ZNF609: variants seen among roughly 807,000 people sequenced by gnomAD.
ZNF609 encodes zinc finger protein 609.
ZNF609 carries 11 observed loss-of-function variants against 109.5 expected under a neutral mutation model. The ratio of observed to expected loss-of-function variants is 0.10; its 90% CI spans 0.06 to 0.17. The LOEUF is 0.17. Among genes scored for constraint, ZNF609 ranks in the 10% least tolerant of loss-of-function variants. The pLI is 1.00. For synonymous variants in ZNF609, 646 were observed against 662.0 expected, an observed-to-expected ratio of 0.98 and a Z score of 0.37; for missense variants, 1,559 against 1,772.4, an observed-to-expected ratio of 0.88 and a Z score of 2.16.
chr15:64,610,992 T>C (rs533430052), intron 2 of ZNF609, among the ~76,000 whole-genome samples: 5 of 152,144 alleles, frequency 3.3e-5, no homozygotes, highest in African/African-American at 1.2e-4. Flanking sequence ...ATTTGTGGAG[T>C]TTTTTAATTT....
rs1343136188 is a variant in ZNF609, at chr15:64,675,657, A to G, written c.2803A>G (p.Ile935Val). The change falls in exon 5 of 10, where the codon ATA becomes GTA. Residue 935 changes from isoleucine (I) to valine (V), a missense_variant. By Grantham distance (29) the Ile-to-Val change is conservative. Around this residue, in one of 4 missense-constraint regions of ZNF609, gnomAD observed 1,204 missense variants for 1,314.1 expected, o/e 0.92. Coordinates refer to ENST00000326648, the MANE Select transcript of ZNF609 (RefSeq NM_015042.2). Reference protein sequence around the residue: ...KTKRDEEPESIEGKVKNDICE... With the variant: ...KTKRDEEPESVEGKVKNDICE... ...AAAAAGGGATGAGGAACCTGAGAGCATAGAAGGGAAAGTGAAGAACGATAT... is the reference window on the plus strand; with the variant it reads ...AAAAAGGGATGAGGAACCTGAGAGCGTAGAAGGGAAAGTGAAGAACGATAT... The G allele has an allele frequency of 2.5e-6, 4 of 1,614,030 alleles. No individual in the cohort carries two copies. The African/African-American group carries it at 5.3e-5, about 22-fold the overall frequency.
chr15:64,677,014 A>G (rs1360525743), intron 5 of ZNF609, among the ~76,000 whole-genome samples: 1 of 151,876 alleles, frequency 6.6e-6, no homozygotes, highest in East Asian at 1.9e-4. Context: ...CGGCCTCCCA[A>G]AGTACCTGGA....
chr15:64,672,100 C>A (rs1235275962), intron 4 of ZNF609, among the ~76,000 whole-genome samples: 1 of 149,156 alleles, frequency 6.7e-6, no homozygotes, highest in Non-Finnish European at 1.5e-5. Context: ...GCAAGCTCCA[C>A]CTCCCGGGTT....
intron 6 of ZNF609, among the ~76,000 whole-genome samples, chr15:64,679,549 A>G (rs1896852251): frequency 6.6e-6 from 1 of 152,202 alleles, no homozygotes; most frequent in South Asian, 2.1e-4. Context: ...ACATTATTAT[A>G]AAGCACACTC....
At chr15:64,464,835 A>C (rs1470340343) in intron 1 of ZNF609, among the ~76,000 whole-genome samples, 1 of 152,172 alleles carries the variant, frequency 6.6e-6, no homozygotes, top group African/African-American at 2.4e-5. Flanking sequence ...CTGAAGAGGG[A>C]TTACTGAGCA....
chr15:64,500,956 G>A (rs1893553006), intron 2 of ZNF609: 1 of 155,116 alleles, frequency 6.4e-6, no homozygotes, highest in Admixed American at 6.3e-5. Flanking sequence ...GGTTAGAACT[G>A]AGTCCCTCCT....
At chr15:64,592,012 T>C (rs1895307684) in intron 2 of ZNF609, among the ~76,000 whole-genome samples, 1 of 151,942 alleles carries the variant, frequency 6.6e-6, no homozygotes, top group African/African-American at 2.4e-5. Context: ...CCCGGCCTTT[T>C]TTTAATCAGC....
At chr15:64,515,860 C>T (rs1653401148) in intron 2 of ZNF609, among the ~76,000 whole-genome samples, 1 of 151,766 alleles carries the variant, frequency 6.6e-6, no homozygotes, top group Non-Finnish European at 1.5e-5. Context: ...ATTGCTCGAA[C>T]CTGGGAGGCG....
At chr15:64,604,885 G>A (rs1895569678) in intron 2 of ZNF609, among the ~76,000 whole-genome samples, 1 of 152,014 alleles carries the variant, frequency 6.6e-6, no homozygotes, top group African/African-American at 2.4e-5. Flanking sequence ...AGGCTGGAGT[G>A]CAGTGGCATG....
At chr15:64,577,057 C>CATAAAT (rs1894983406) in intron 2 of ZNF609, among the ~76,000 whole-genome samples, 1 of 35,852 alleles carries the variant, frequency 2.8e-5, no homozygotes, top group Non-Finnish European at 5.3e-5. Context: ...TAAATATATA[C>CATAAAT]ATATATGTAT....
At chr15:64,509,291 C>G (rs1893683063) in intron 2 of ZNF609, among the ~76,000 whole-genome samples, 1 of 152,110 alleles carries the variant, frequency 6.6e-6, no homozygotes, top group Non-Finnish European at 1.5e-5. Flanking sequence ...ACCCACTTTT[C>G]TCATCTGAAT....
chr15:64,674,956 T>A lies in ZNF609; in HGVS notation c.2102T>A (p.Leu701His). 6.2e-7 allele frequency: 1 copy of A among 1,613,750 alleles called. No individual in the cohort carries two copies. The highest frequency in any genetic ancestry group is 8.5e-7 in the Non-Finnish European group (1 of 1,179,956). The change falls in exon 5 of 10, where the codon CTC (leucine) becomes CAC (histidine). Residue 701 changes from leucine to histidine, a missense_variant. By Grantham distance (99) the Leu-to-His change is moderately conservative. Coordinates refer to ENST00000326648, the MANE Select transcript of ZNF609 (RefSeq NM_015042.2). ...VAQAMPNSPQ[L>H]KPIQPKPTVM... is the part of the protein sequence containing the mutation. The stretch of plus-strand genomic sequence containing the variant: ...CAAGCCATGCCCAACAGTCCCCAAC[T>A]CAAGCCCATTCAGCCCAAGCCCACT...
intron 2 of ZNF609, among the ~76,000 whole-genome samples, chr15:64,554,753 A>G (rs1894548615): frequency 6.6e-6 from 1 of 152,164 alleles, no homozygotes; most frequent in African/African-American, 2.4e-5. Flanking sequence ...TCACTTGATC[A>G]TGATTTATTA....
chr15:64,575,421 A>C (rs63016960), intron 2 of ZNF609, among the ~76,000 whole-genome samples: 1 of 1,470 alleles, frequency 6.8e-4, no homozygotes, highest in East Asian at 0.25. Flanking sequence ...CTCCATTTCA[A>C]AAAAAAAAAA....
At position 64,496,251 on chromosome 15, in the gene ZNF609, C is replaced by T. The variant is rs148519484; in HGVS notation, c.-127-3042C>T. ...AGCACTAACATTTTTCTGTTTCATA[C>T]GCTTTCCTTACTCCTCCAGAGTCTC... is the stretch of plus-strand genomic sequence containing the variant. On this transcript the variant is annotated intron_variant, in intron 1 of 9. Coordinates refer to ENST00000326648, the MANE Select transcript of ZNF609 (RefSeq NM_015042.2). Among the ~76,000 whole-genome samples, 711 of 152,322 alleles carry T rather than the reference C, an allele frequency of 4.7e-3. 5 individuals are homozygous for T. The highest frequency in any genetic ancestry group is 0.014 in the Middle Eastern group (4 of 294).
chr15:64,551,419 G>A (rs1176470168), intron 2 of ZNF609, among the ~76,000 whole-genome samples: 1 of 152,146 alleles, frequency 6.6e-6, no homozygotes, highest in Non-Finnish European at 1.5e-5. Context: ...ACTTTGGGAG[G>A]CCGAGGCAGG....
chr15:64,666,904 G>A (rs928583856), intron 3 of ZNF609, among the ~76,000 whole-genome samples: 6 of 151,850 alleles, frequency 4.0e-5, no homozygotes, highest in Non-Finnish European at 4.4e-5. Context: ...CGAGGCGGGC[G>A]GATCATGAGA....
intron 2 of ZNF609, among the ~76,000 whole-genome samples, chr15:64,560,970 G>A (rs1894668137): frequency 6.6e-6 from 1 of 152,104 alleles, no homozygotes; most frequent in African/African-American, 2.4e-5. Context: ...GCCAAATTAG[G>A]ATAAAATCTA....
At chr15:64,658,745 C>T (rs942968405) in intron 3 of ZNF609, among the ~76,000 whole-genome samples, 5 of 150,662 alleles carry the variant, frequency 3.3e-5, no homozygotes, top group Middle Eastern at 3.5e-3. Context: ...TTCAGTGAGC[C>T]GTAATCATAC....
Sources: gnomAD v4.1 joint callset for allele counts (sites outside exome capture counted in the v4.1 genomes callset) on GRCh38, gnomAD v4.1.1 for gene constraint, gnomAD v4.1.1 regional missense constraint, MANE v1.5 for transcripts, NCBI Gene and HGNC (gene_info 2026-07-23, HGNC 2026-07-21) for gene names.